The following MICAL2 variants were observed in gnomAD, a reference collection of about 807,000 sequenced individuals.
MICAL2 encodes microtubule associated monooxygenase, calponin and LIM domain containing 2.
MICAL2 carries 77 observed loss-of-function variants against 127.3 expected under a neutral mutation model. The observed-to-expected ratio is 0.60, with a 90% CI of 0.50 to 0.73. The LOEUF (loss-of-function observed/expected upper bound fraction) is 0.73. Ranked by LOEUF, MICAL2 falls within the 30% of genes least tolerant of loss-of-function variation. MICAL2 has a pLI of 0.00. For synonymous variants in MICAL2, 570 were observed against 551.1 expected, an observed-to-expected ratio of 1.03 and a Z score of -0.48; for missense variants, 1,351 against 1,434.4, an observed-to-expected ratio of 0.94 and a Z score of 0.94.
intron 16 of MICAL2, among the ~76,000 whole-genome samples, chr11:12,237,381 A>C (rs1859234132): frequency 6.6e-6 from 1 of 152,192 alleles, no homozygotes; most frequent in African/African-American, 2.4e-5. Context: ...ATAGAGACAC[A>C]GAGAGGAAGC....
intron 1 of MICAL2, among the ~76,000 whole-genome samples, chr11:12,127,398 A>G (rs1302139893): frequency 6.6e-6 from 1 of 152,204 alleles, no homozygotes. Flanking sequence ...AAAACAAAAC[A>G]AGATAACATC....
intron 29 of MICAL2, among the ~76,000 whole-genome samples, chr11:12,306,706 C>T (rs180877458): frequency 3.2e-4 from 49 of 152,290 alleles, no homozygotes; most frequent in Non-Finnish European, 2.5e-4. Flanking sequence ...TAAATGGAAT[C>T]ATACAGCATG....
intron 24 of MICAL2, among the ~76,000 whole-genome samples, chr11:12,268,786 C>T (rs12285158): frequency 2.3e-4 from 35 of 151,412 alleles, no homozygotes; most frequent in Admixed American, 5.9e-4. Context: ...GTTAGGAGAT[C>T]GAGACCATCC....
intron 3 of MICAL2, among the ~76,000 whole-genome samples, chr11:12,202,663 A>G (rs1480398050): frequency 7.6e-6 from 1 of 132,414 alleles, no homozygotes; most frequent in Admixed American, 7.7e-5. Context: ...TATTTATTTT[A>G]TAAGTTAGGT....
chr11:12,294,808 T>G (rs552921390), downstream of MICAL2: 163 of 1,480,856 alleles, frequency 1.1e-4, no homozygotes, highest in South Asian at 2.1e-3. Context: ...CTCCTCCTCC[T>G]CCTCCTCCTC....
At chr11:12,345,881 G>C (rs775013320) in intron 32 of MICAL2, among the ~76,000 whole-genome samples, 1 of 152,212 alleles carries the variant, frequency 6.6e-6, no homozygotes, top group Non-Finnish European at 1.5e-5. Flanking sequence ...GAAAATTAGA[G>C]GGTAAGCAGA....
intron 3 of MICAL2, among the ~76,000 whole-genome samples, chr11:12,183,767 C>G (rs768472912): frequency 6.6e-6 from 1 of 152,172 alleles, no homozygotes; most frequent in Non-Finnish European, 1.5e-5. Flanking sequence ...TTGCATCCCA[C>G]TTATGGCTGT....
At chr11:12,186,512 C>T (rs1265044716) in intron 3 of MICAL2, among the ~76,000 whole-genome samples, 8 of 152,102 alleles carry the variant, frequency 5.3e-5, no homozygotes, top group Non-Finnish European at 1.0e-4. Flanking sequence ...ATTTATCCCA[C>T]GATTTGAGGG....
At chr11:12,134,537 C>T (rs1851685940) in intron 1 of MICAL2, among the ~76,000 whole-genome samples, 1 of 152,170 alleles carries the variant, frequency 6.6e-6, no homozygotes, top group Non-Finnish European at 1.5e-5. Context: ...AGATACCTTG[C>T]TGTACATATT....
intron 4 of MICAL2, among the ~76,000 whole-genome samples, chr11:12,207,116 A>G (rs112168718): frequency 5.3e-5 from 8 of 152,030 alleles, no homozygotes; most frequent in African/African-American, 1.9e-4. Flanking sequence ...TCACCTTCAC[A>G]GCCCTTCCTC....
intron 29 of MICAL2, among the ~76,000 whole-genome samples, chr11:12,317,750 C>A (rs1864247008): frequency 6.6e-6 from 1 of 151,660 alleles, no homozygotes; most frequent in Admixed American, 6.6e-5. Context: ...CCAGATCATG[C>A]CACTACACTC....
intron 3 of MICAL2, among the ~76,000 whole-genome samples, chr11:12,192,726 T>A (rs1397222388): frequency 6.6e-6 from 1 of 152,110 alleles, no homozygotes; most frequent in East Asian, 1.9e-4. Context: ...TCCAGTGAGC[T>A]GAGATCACAT....
At chr11:12,297,987 C>G (rs1490660637) in intron 29 of MICAL2, among the ~76,000 whole-genome samples, 1 of 150,900 alleles carries the variant, frequency 6.6e-6, no homozygotes, top group Non-Finnish European at 1.5e-5. Context: ...TTTTCTTTTT[C>G]TAAAATTTCC....
chr11:12,146,275 G>A (rs962304825), intron 2 of MICAL2, among the ~76,000 whole-genome samples: 3 of 152,186 alleles, frequency 2.0e-5, no homozygotes, highest in Admixed American at 6.5e-5. Context: ...AGCGTGAATA[G>A]GCAACCTACA....
At chr11:12,136,351 C>T (rs1234130466) in intron 1 of MICAL2, among the ~76,000 whole-genome samples, 2 of 152,176 alleles carry the variant, frequency 1.3e-5, no homozygotes, top group African/African-American at 2.4e-5. Context: ...TTGGGTGAAG[C>T]ACTTCGCTGT....
chr11:12,350,400 C>T (rs140795964), intron 33 of MICAL2, among the ~76,000 whole-genome samples: 48 of 152,230 alleles, frequency 3.2e-4, no homozygotes, highest in African/African-American at 1.1e-3. Context: ...GTTGCAGCCT[C>T]GTTGGGAGAC....
At chr11:12,229,600 G>A (rs1857938057) in intron 15 of MICAL2, among the ~76,000 whole-genome samples, 1 of 152,218 alleles carries the variant, frequency 6.6e-6, no homozygotes, top group African/African-American at 2.4e-5. Flanking sequence ...GGAGAGGGAT[G>A]TTTCCACCTT....
chr11:12,230,156 A>T (rs987890541), intron 15 of MICAL2, among the ~76,000 whole-genome samples: 1 of 152,166 alleles, frequency 6.6e-6, no homozygotes, highest in Admixed American at 6.5e-5. Flanking sequence ...CCTTCTTCCC[A>T]TCCTACCAGA....
chr11:12,134,971 A>G (rs1338659262), intron 1 of MICAL2, among the ~76,000 whole-genome samples: 1 of 152,232 alleles, frequency 6.6e-6, no homozygotes, highest in Non-Finnish European at 1.5e-5. Flanking sequence ...TCAGTGCACT[A>G]TGGCTGCAGG....
Sources: allele counts gnomAD v4.1 joint callset (sites outside exome capture counted in the v4.1 genomes callset), GRCh38; gene constraint gnomAD v4.1.1; transcripts MANE v1.5; gene names NCBI Gene and HGNC (gene_info 2026-07-23, HGNC 2026-07-21).